The following ZMAT3 variants were observed in gnomAD, a reference collection of about 807,000 sequenced individuals.
ZMAT3 encodes the protein zinc finger matrin-type 3.
In ZMAT3, 17 loss-of-function variants were observed where a neutral mutation model predicts 32.3. The observed-to-expected ratio is 0.53, with a 90% CI of 0.36 to 0.79. ZMAT3 has a LOEUF of 0.79. Ranked by LOEUF, ZMAT3 falls within the 30% of genes least tolerant of loss-of-function variation. The pLI is 0.00. For missense variants in ZMAT3, 329 were observed against 359.7 expected (o/e 0.91, Z 0.69); for synonymous variants, 120 against 133.1 (o/e 0.90, Z 0.68).
chr3:179,021,747 G>C lies in ZMAT3; in HGVS notation c.*3270C>G, dbSNP rs550005805. ...AGAAACAACAGTCTGCTTAAACAGA[G>C]AAAAAACACTGTTTATGGAATACAT... On this transcript the variant is annotated 3_prime_UTR_variant, in exon 6 of 6. Transcript: ENST00000311417. 6.6e-6 allele frequency: 1 copy of C among 152,200 alleles called. No homozygotes were observed. Among genetic ancestry groups the C allele is most frequent in the Admixed American group, 6.5e-5 (1 of 15,308 alleles). The allele number at this position is 152,200 out of a possible 1,614,324, so 9.4% of individuals were successfully genotyped here.
At chr3:179,067,896 A>G in intron 1 of ZMAT3, 87 bp from the exon 2 acceptor site, 1 of 1,274,506 alleles carries the variant, frequency 7.8e-7, no homozygotes, top group Non-Finnish European at 1.1e-6. Context: ...ACATAATCTG[A>G]CCCTTTCTTC....
rs1449745793 is a variant in ZMAT3 at position 179,023,813 on chromosome 3, C to T, written c.*1204G>A. On this transcript the variant is annotated 3_prime_UTR_variant, in exon 6 of 6. Transcript: ENST00000311417. Reference sequence around the variant, plus strand: ...TCGGCTCACTGCAAGCTCCGCCTCCCGGGTTCACGCCATTCTCCTGCCTCA... The same window carrying T: ...TCGGCTCACTGCAAGCTCCGCCTCCTGGGTTCACGCCATTCTCCTGCCTCA... 6.4e-5 allele frequency: 9 copies of T among 141,602 alleles called. No individual in the cohort carries two copies. The highest frequency in any genetic ancestry group is 2.4e-4 in the African/African-American group (9 of 37,594). The allele number at this position is 141,602 out of a possible 1,614,324, so 8.8% of individuals were successfully genotyped here.
chr3:179,062,339 A>G (rs999291093), intron 2 of ZMAT3, among the ~76,000 whole-genome samples: 1 of 152,194 alleles, frequency 6.6e-6, no homozygotes, highest in African/African-American at 2.4e-5. Flanking sequence ...TGCTAATAGA[A>G]GGGATTAAAA....
At chr3:179,032,509 G>A (rs1318148210) in intron 2 of ZMAT3, among the ~76,000 whole-genome samples, 3 of 150,738 alleles carry the variant, frequency 2.0e-5, no homozygotes, top group African/African-American at 7.3e-5. Flanking sequence ...CCCAGTCTGG[G>A]AAGTGAGGAG....
At chr3:179,054,660 C>T (rs1161151418) in intron 2 of ZMAT3, among the ~76,000 whole-genome samples, 18 of 152,210 alleles carry the variant, frequency 1.2e-4, no homozygotes, top group Admixed American at 1.2e-3. Flanking sequence ...TCTATTAAAT[C>T]TTGCAACTGC....
At chr3:179,064,076 C>T (rs1028954586) in intron 2 of ZMAT3, among the ~76,000 whole-genome samples, 2 of 152,154 alleles carry the variant, frequency 1.3e-5, no homozygotes, top group Admixed American at 6.5e-5. Context: ...TGATACAGTC[C>T]GGCTCTAGTG....
rs1280252145 is a variant in ZMAT3, at chr3:179,022,143, C to T, written c.*2874G>A. 1 of 152,018 alleles carries T rather than the reference C, an allele frequency of 6.6e-6. No individual in the cohort carries two copies. The highest frequency in any genetic ancestry group is 2.1e-4 in the South Asian group (1 of 4,820). The allele number at this position is 152,018 out of a possible 1,614,324, so 9.4% of individuals were successfully genotyped here. ...ACTTCTTTCTTTAAAAGAAAATGTG[C>T]TTATGCATTCATAACATCCATTAAG... is the stretch of plus-strand genomic sequence containing the variant. On this transcript the variant is annotated 3_prime_UTR_variant, in exon 6 of 6. Transcript: ENST00000311417.
intron 2 of ZMAT3, among the ~76,000 whole-genome samples, chr3:179,066,268 A>G (rs989146114): frequency 1.3e-5 from 2 of 152,214 alleles, no homozygotes; most frequent in Non-Finnish European, 2.9e-5. Context: ...TTAGGAACCA[A>G]TGATGACACA....
chr3:179,032,935 G>C (rs911767169), intron 2 of ZMAT3, among the ~76,000 whole-genome samples: 1 of 151,994 alleles, frequency 6.6e-6, no homozygotes, highest in African/African-American at 2.4e-5. Flanking sequence ...CGGCCGCCCC[G>C]TCTGGGAATT....
At chr3:179,057,165 T>C (rs1720890581) in intron 2 of ZMAT3, among the ~76,000 whole-genome samples, 1 of 152,108 alleles carries the variant, frequency 6.6e-6, no homozygotes, top group Non-Finnish European at 1.5e-5. Flanking sequence ...AACCATGCAA[T>C]AGCCCCTGCA....
At chr3:179,067,839 A>C (rs1353749424) in intron 1 of ZMAT3, 30 bp from the exon 2 acceptor site, 3 of 1,541,300 alleles carry the variant, frequency 1.9e-6, no homozygotes, top group African/African-American at 1.4e-5. Context: ...ACAGAAAAAA[A>C]AACTCACTTG....
At position 179,030,448 on chromosome 3, in the gene ZMAT3, G is replaced by A. The variant is rs141448630; in HGVS notation, c.390+432C>T. Among the ~76,000 whole-genome samples, 882 of 149,550 alleles carry A rather than the reference G, an allele frequency of 5.9e-3. 4 individuals are homozygous for A. The highest frequency in any genetic ancestry group is 0.014 in the African/African-American group (552 of 40,580). On this transcript the variant is annotated intron_variant, in intron 3 of 5. Coordinates refer to ENST00000311417, the MANE Select transcript of ZMAT3 (RefSeq NM_022470.4). ...CAGCTCACTGCAAGCTCCGCCTCCC[G>A]GGTTCGCACCTTTCTCCTGCCTCAG...
In ZMAT3 at chr3:179,067,593, A is replaced by G. The variant is rs1181977959; in HGVS notation, c.160T>C (p.Ser54Pro). ...SLPLAGEEELSKGGEQDCALE... is the reference protein window; with the variant it reads ...SLPLAGEEELPKGGEQDCALE... Reference sequence around the variant, plus strand: ...GCACAGTCTTGCTCCCCTCCCTTCGATAACTCTTCTTCCCCTGCAAGAGGC... The same window carrying G: ...GCACAGTCTTGCTCCCCTCCCTTCGGTAACTCTTCTTCCCCTGCAAGAGGC... Residue 54 changes from serine to proline, a missense_variant, in exon 2 of 6, where the codon TCG becomes CCG. Coordinates refer to ENST00000311417, the MANE Select transcript of ZMAT3 (RefSeq NM_022470.4). 3 of 1,614,178 alleles carry G rather than the reference A, an allele frequency of 1.9e-6. No individual in the cohort carries two copies. Among genetic ancestry groups the G allele is most frequent in the South Asian group, 2.2e-5 (2 of 91,086 alleles).
Position 179,025,351 on chromosome 3 carries a change from A to C in ZMAT3, c.659-123T>G. The C allele has an allele frequency of 3.7e-6, 3 of 820,488 alleles. 1 individual carries two copies. The South Asian group carries it at 5.5e-5, about 15-fold the overall frequency. The allele number at this position is 820,488 out of a possible 1,614,324, so 50.8% of individuals were successfully genotyped here. A position where few individuals can be genotyped will look rare whatever the true frequency, so the allele number is the denominator to read the frequency against. On this transcript the variant is annotated intron_variant, in intron 5 of 5. Coordinates refer to ENST00000311417, the MANE Select transcript of ZMAT3 (RefSeq NM_022470.4). ...ATAAAATTCACAGATTCTTAGCTTT[A>C]AGTGAATGTGAAGTTAATGGATTTT...
At chr3:179,034,649 C>A (rs1719484569) in intron 2 of ZMAT3, among the ~76,000 whole-genome samples, 3 of 152,192 alleles carry the variant, frequency 2.0e-5, no homozygotes, top group Admixed American at 1.3e-4. Context: ...CATACTTTCA[C>A]GTCTTAAGAG....
intron 2 of ZMAT3, among the ~76,000 whole-genome samples, chr3:179,058,952 T>C (rs983447882): frequency 5.9e-5 from 9 of 152,068 alleles, no homozygotes; most frequent in Non-Finnish European, 1.0e-4. Flanking sequence ...CTCTTAAGTA[T>C]ACCTACCTAG....
rs897560238 is a variant in ZMAT3, at chr3:179,057,005, A to G, written c.270+10478T>C. Among the ~76,000 whole-genome samples the G allele has an allele frequency of 3.3e-5, 5 of 152,318 alleles. 1 individual carries two copies. In the East Asian group the frequency reaches 9.6e-4, roughly 29 times the overall value. On this transcript the variant is annotated intron_variant, in intron 2 of 5. Transcript: ENST00000311417. ...CCTGAAGTCTGGGCAACAAAAGGAC[A>G]ATATGGATGAGCAAAGAATGCCTGT...
intron 2 of ZMAT3, among the ~76,000 whole-genome samples, chr3:179,044,644 A>C (rs1243310767): frequency 6.6e-6 from 1 of 152,146 alleles, no homozygotes; most frequent in African/African-American, 2.4e-5. Context: ...ACTCTGTCTC[A>C]AAAGAAAAAA....
chr3:179,037,548 T>C (rs1719669296), intron 2 of ZMAT3, among the ~76,000 whole-genome samples: 1 of 151,844 alleles, frequency 6.6e-6, no homozygotes, highest in African/African-American at 2.4e-5. Flanking sequence ...GTGAGCTCGG[T>C]GGAATGAGGC....
Sources: gnomAD v4.1 joint callset for allele counts (sites outside exome capture counted in the v4.1 genomes callset) on GRCh38, gnomAD v4.1.1 for gene constraint, MANE v1.5 for transcripts, NCBI Gene and HGNC (gene_info 2026-07-23, HGNC 2026-07-21) for gene names.